Variants in DIDO1 observed in about 807,000 individuals in gnomAD.
The protein encoded by DIDO1 is death-inducer obliterator 1.
Under a neutral mutation model 99.4 loss-of-function variants are expected in DIDO1, and 16 were observed. The observed-to-expected ratio is 0.16, with a 90% confidence interval of 0.11 to 0.24. DIDO1 has a LOEUF of 0.24. DIDO1 is among the 10% of genes least tolerant of loss of function. The pLI is 1.00. For synonymous variants in DIDO1, 1,366 were observed against 1,239.1 expected (o/e 1.10, Z -2.15); for missense variants, 2,996 against 3,014.0 (o/e 0.99, Z 0.14).
In DIDO1 at chr20:62,893,945, GA is replaced by G; in HGVS notation, c.2821del (p.Ser941ProfsTer63). ...GPPGDGHPEPSPLEDLSPCPA... is the reference protein window; with the variant it reads ...GPPGDGHPEPXPLEDLSPCPA... ...GCAGGGGGACAGGTCTTCCAGCGGGGAGGGCTCGGGATGGCCATCTCCTGGA... is the reference window on the plus strand; with the variant it reads ...GCAGGGGGACAGGTCTTCCAGCGGGGGGGCTCGGGATGGCCATCTCCTGGA... On this transcript the variant is annotated frameshift_variant, in exon 12 of 16. Coordinates refer to ENST00000395343, the MANE Select transcript of DIDO1 (RefSeq NM_001193369.2). LOFTEE classifies it high-confidence loss of function. 2 of 1,612,306 alleles carry G rather than the reference GA, an allele frequency of 1.2e-6. No homozygotes were observed. Among genetic ancestry groups the G allele is most frequent in the Non-Finnish European group, 1.7e-6 (2 of 1,178,540 alleles).
Position 62,935,762 on chromosome 20 carries a change from A to G in DIDO1, c.-200+2034T>C, listed in dbSNP as rs573945497. The stretch of plus-strand genomic sequence containing the variant: ...AAGGGATGTTAGAAGGATAGAGTCA[A>G]TGAGTGATGGCTTTTGGAGAGATCA... On this transcript the variant is annotated intron_variant, in intron 1 of 15. Transcript: ENST00000266070. Among the ~76,000 whole-genome samples the G allele has an allele frequency of 2.0e-5, 3 of 152,366 alleles. No homozygotes were observed. In the South Asian group the frequency reaches 6.2e-4, roughly 32 times the overall value.
chr20:62,881,548 G>A lies in DIDO1; in HGVS notation c.4408C>T (p.Pro1470Ser), dbSNP rs1215690362. 1 of 1,611,790 alleles carries A rather than the reference G, an allele frequency of 6.2e-7. No individual in the cohort carries two copies. The highest frequency in any genetic ancestry group is 1.7e-5 in the Admixed American group (1 of 60,032). Residue 1470 changes from proline (P) to serine (S), a missense_variant, in exon 16 of 16, where the codon CCC (proline) becomes TCC (serine). Physicochemically the swap from Pro to Ser is moderately conservative, Grantham distance 74. This residue lies in a region of DIDO1 where 1,562 missense variants were observed against 1,412.6 expected (regional missense o/e 1.11). Coordinates refer to ENST00000395343, the MANE Select transcript of DIDO1 (RefSeq NM_001193369.2). This position sits in a 1 kb window ranked among gnomAD's most constrained non-coding sequence, Gnocchi z 8.3. The part of the protein sequence containing the change: ...PAEPVAGAAT[P>S]SLVEQQKMLE... ...ATCTTCTGTTGCTCCACCAGGGAGGGCGTCGCAGCCCCGGCCACCGGCTCG... is the reference window on the plus strand; with the variant it reads ...ATCTTCTGTTGCTCCACCAGGGAGGACGTCGCAGCCCCGGCCACCGGCTCG...
chr20:62,900,494 T>C (rs1341595128), intron 6 of DIDO1, among the ~76,000 whole-genome samples: 2 of 152,160 alleles, frequency 1.3e-5, no homozygotes, highest in Non-Finnish European at 2.9e-5. Context: ...AGGATGGTGC[T>C]ACTCCGCTCC....
At chr20:62,910,653 T>C (rs2064911974) in intron 3 of DIDO1, 121 bp downstream of exon 3, 1 of 1,204,372 alleles carries the variant, frequency 8.3e-7, no homozygotes, top group Non-Finnish European at 1.2e-6. Flanking sequence ...TTTTGACAAC[T>C]TGTTCATCTT....
At chr20:62,932,917 G>A (rs1239300885) in intron 1 of DIDO1, among the ~76,000 whole-genome samples, 1 of 152,190 alleles carries the variant, frequency 6.6e-6, no homozygotes. Context: ...CATGGTGTCA[G>A]AATATGTGCA....
rs927912880 is a variant in DIDO1 at position 62,909,563 on chromosome 20, G to A, written c.1161+136C>T. 85 of 958,346 alleles carry A rather than the reference G, an allele frequency of 8.9e-5. No individual in the cohort carries two copies. The African/African-American group carries it at 1.3e-3, about 14-fold the overall frequency. 59.4% of individuals were successfully genotyped at this position (958,346 alleles called of 1,614,324 possible). A position where few individuals can be genotyped will look rare whatever the true frequency, so the allele number is the denominator to read the frequency against. On this transcript the variant is annotated intron_variant, in intron 4 of 15. Transcript: ENST00000395343. ...AAAATAGAAAGGCCTCACCCAGGTG[G>A]AGTGAGGCAGGAACCCGGGAGAGGC... is the stretch of plus-strand genomic sequence containing the variant.
At chr20:62,910,739 C>T (rs989577266) in intron 3 of DIDO1, 35 bp downstream of exon 3, 18 of 1,587,284 alleles carry the variant, frequency 1.1e-5, no homozygotes, top group Non-Finnish European at 1.5e-5. Context: ...TGTTTGCAAC[C>T]CTGGGATTTC....
chr20:62,910,135 T>G, intron 3 of DIDO1, 115 bp from the exon 4 acceptor site: 2 of 1,152,780 alleles, frequency 1.7e-6, no homozygotes, highest in Non-Finnish European at 2.4e-6. Flanking sequence ...TACAGAAAAG[T>G]AGAGATTAAG....
intron 8 of DIDO1, among the ~76,000 whole-genome samples, chr20:62,895,459 TAAAAA>T (rs11086145): frequency 6.6e-6 from 1 of 150,664 alleles, no homozygotes; most frequent in African/African-American, 2.4e-5. Flanking sequence ...CTGGCTCTGC[TAAAAA>T]AAAAACAACA....
chr20:62,926,272 C>A (rs1346427883), intron 1 of DIDO1, among the ~76,000 whole-genome samples, 167 bp downstream of exon 1: 1 of 140,706 alleles, frequency 7.1e-6, no homozygotes, highest in Admixed American at 7.0e-5. Flanking sequence ...GCCCGCCCGC[C>A]CGCTCCTTCC....
chr20:62,881,254 T>C lies in DIDO1; in HGVS notation c.4702A>G (p.Thr1568Ala), dbSNP rs910148. ...TCCCCCTCCCCCTCACCGGTCTCAGTGGCCAGGCGCCTCGCCTGCCGGGGG... is the reference window on the plus strand; with the variant it reads ...TCCCCCTCCCCCTCACCGGTCTCAGCGGCCAGGCGCCTCGCCTGCCGGGGG... ...RDPRQARRLA[T>A]ETGEGEGEPL... The change falls in exon 16 of 16, where the codon ACT becomes GCT. Residue 1568 changes from threonine to alanine, a missense_variant. Thr to Ala is a moderately conservative substitution (Grantham distance 58, BLOSUM62 0). Coordinates refer to ENST00000395343, the MANE Select transcript of DIDO1 (RefSeq NM_001193369.2). The surrounding 1 kb of genome is among the most constrained non-coding windows in gnomAD (Gnocchi z 8.3). 0.99 allele frequency: 1,583,302 copies of C among 1,601,634 alleles called. 782,617 individuals are homozygous for C. Among genetic ancestry groups the C allele is most frequent in the East Asian group, 1 (44,809 of 44,810 alleles).
chr20:62,899,934 CAG>C (rs2064625817), intron 6 of DIDO1, among the ~76,000 whole-genome samples: 1 of 152,212 alleles, frequency 6.6e-6, no homozygotes, highest in Admixed American at 6.5e-5. Context: ...GAAATGGGGA[CAG>C]AAACTTTTTA....
chr20:62,927,778 G>C (rs2065279330), upstream of DIDO1, among the ~76,000 whole-genome samples: 1 of 152,228 alleles, frequency 6.6e-6, no homozygotes, highest in Non-Finnish European at 1.5e-5. Flanking sequence ...GGCAGACTTA[G>C]TTTTCTTCAA....
rs1316162824 is a variant in DIDO1, at chr20:62,879,939, G to A, written c.6017C>T (p.Pro2006Leu). 2 of 1,600,788 alleles carry A rather than the reference G, an allele frequency of 1.2e-6. No homozygotes were observed. The highest frequency in any genetic ancestry group is 1.1e-5 in the South Asian group (1 of 90,166). The part of the protein sequence containing the change: ...APFSEKNEQT[P>L]SRFHFQGQAP... Reference sequence around the variant, plus strand: ...CTGGCCCTGGAAGTGAAATCGCGAAGGGGTCTGCTCATTTTTTTCAGAAAA... The same window carrying A: ...CTGGCCCTGGAAGTGAAATCGCGAAAGGGTCTGCTCATTTTTTTCAGAAAA... The change falls in exon 16 of 16, where the codon CCT becomes CTT. Residue 2006 changes from proline (P) to leucine (L), a missense_variant. By Grantham distance (98) the Pro-to-Leu change is moderately conservative (BLOSUM62 -3). Coordinates refer to ENST00000395343, the MANE Select transcript of DIDO1 (RefSeq NM_001193369.2). This position sits in a 1 kb window ranked among gnomAD's most constrained non-coding sequence, Gnocchi z 6.3.
chr20:62,892,779 C>T, intron 13 of DIDO1, 30 bp downstream of exon 13: 1 of 1,594,378 alleles, frequency 6.3e-7, no homozygotes, highest in South Asian at 1.1e-5. Flanking sequence ...GAAAGACACA[C>T]ACACGCACAC....
chr20:62,880,770 G>A lies in DIDO1; in HGVS notation c.5186C>T (p.Pro1729Leu). ...TEGDREPQAR[P>L]GEGTAPLPPP... ...GGGGAGCGGGGCGGTGCCCTCGCCG[G>A]GTCTGGCCTGTGGCTCTCTGTCCCC... Residue 1729 changes from proline (P) to leucine (L), a missense_variant, in exon 16 of 16, where the codon CCC (proline) becomes CTC (leucine). Pro to Leu is a moderately conservative substitution (Grantham distance 98). Around this residue, in one of 5 missense-constraint regions of DIDO1, gnomAD observed 1,562 missense variants for 1,412.6 expected, o/e 1.11. Transcript: ENST00000395343. 1 of 1,612,594 alleles carries A rather than the reference G, an allele frequency of 6.2e-7. No individual in the cohort carries two copies. The highest frequency in any genetic ancestry group is 8.5e-7 in the Non-Finnish European group (1 of 1,179,878).
At chr20:62,901,220 G>GGGTC (rs1165269946) in intron 6 of DIDO1, among the ~76,000 whole-genome samples, 2 of 152,328 alleles carry the variant, frequency 1.3e-5, no homozygotes, top group East Asian at 1.9e-4. Flanking sequence ...CGCCCTTGCA[G>GGGTC]GGTCCACAGC....
At chr20:62,885,299 G>C (rs1287465632) in intron 15 of DIDO1, among the ~76,000 whole-genome samples, 1 of 152,132 alleles carries the variant, frequency 6.6e-6, no homozygotes, top group Non-Finnish European at 1.5e-5. Context: ...AAGTTACCTG[G>C]GGAAGCCTAG....
In DIDO1 at chr20:62,878,155, A is replaced by G. The variant is rs140909386; in HGVS notation, c.*1078T>C. On this transcript the variant is annotated 3_prime_UTR_variant, in exon 16 of 16. Coordinates refer to ENST00000395343, the MANE Select transcript of DIDO1 (RefSeq NM_001193369.2). ...GAAGTTCTTTAATTTTACATCTGTA[A>G]AAGTTTATGAAAATATAAAAAATTA... is the stretch of plus-strand genomic sequence containing the variant. 2 of 152,382 alleles carry G rather than the reference A, an allele frequency of 1.3e-5. No homozygotes were observed. The highest frequency in any genetic ancestry group is 2.9e-5 in the Non-Finnish European group (2 of 68,034). The allele number at this position is 152,382 out of a possible 1,614,324, so 9.4% of individuals were successfully genotyped here.
Sources: allele counts gnomAD v4.1 joint callset (sites outside exome capture counted in the v4.1 genomes callset), GRCh38; gene constraint gnomAD v4.1.1; regional missense constraint gnomAD v4.1.1; non-coding constraint Gnocchi (gnomAD v3.1); transcripts MANE v1.5; gene names NCBI Gene and HGNC (gene_info 2026-07-23, HGNC 2026-07-21).